RNGTT: variants seen among roughly 807,000 people sequenced by gnomAD.
RNGTT encodes mRNA-capping enzyme.
In RNGTT, 33 loss-of-function variants were observed where a neutral mutation model predicts 79.3. The observed-to-expected ratio is 0.42, with a 90% confidence interval of 0.32 to 0.56. The LOEUF is 0.56. Among genes scored for constraint, RNGTT ranks in the 20% least tolerant of loss-of-function variants. RNGTT has a pLI of 0.17. For missense variants in RNGTT, 497 were observed against 739.1 expected (o/e 0.67, Z 3.80); for synonymous variants, 222 against 235.9 (o/e 0.94, Z 0.54).
At chr6:88,830,230 A>C (rs1780809411) in intron 11 of RNGTT, among the ~76,000 whole-genome samples, 1 of 152,222 alleles carries the variant, frequency 6.6e-6, no homozygotes, top group African/African-American at 2.4e-5. Context: ...CAGGATTAAG[A>C]AACTCACTCA....
chr6:88,634,734 A>AT (rs1773034949), intron 14 of RNGTT, among the ~76,000 whole-genome samples: 1 of 152,128 alleles, frequency 6.6e-6, no homozygotes, highest in Non-Finnish European at 1.5e-5. Context: ...TAGAGGAGAT[A>AT]TTTTTGCAAA....
At chr6:88,721,097 T>C (rs1005255444) in intron 13 of RNGTT, among the ~76,000 whole-genome samples, 7 of 152,124 alleles carry the variant, frequency 4.6e-5, no homozygotes, top group Admixed American at 1.3e-4. Flanking sequence ...CCCTTAAATA[T>C]AGGTGTTACC....
At position 88,660,071 on chromosome 6, in the gene RNGTT, C is replaced by T. The variant is rs543442581; in HGVS notation, c.1506+18282G>A. ...CAAAATTAAGCTTCATAAATGAAGGCGAGATAGTCTGTTTTAGACAAACAA... is the reference window on the plus strand; with the variant it reads ...CAAAATTAAGCTTCATAAATGAAGGTGAGATAGTCTGTTTTAGACAAACAA... On this transcript the variant is annotated intron_variant, in intron 14 of 15. Transcript: ENST00000369485. Among the ~76,000 whole-genome samples, 21 of 152,146 alleles carry T rather than the reference C, an allele frequency of 1.4e-4. No individual in the cohort carries two copies. The East Asian group carries it at 2.1e-3, about 15-fold the overall frequency.
chr6:88,701,345 T>C (rs1040268321), intron 13 of RNGTT, among the ~76,000 whole-genome samples: 4 of 152,112 alleles, frequency 2.6e-5, no homozygotes, highest in Admixed American at 6.5e-5. Context: ...AGCCAACTTC[T>C]GATAACTAAT....
intron 13 of RNGTT, among the ~76,000 whole-genome samples, chr6:88,719,115 A>C (rs565649552): frequency 5.3e-5 from 8 of 152,324 alleles, no homozygotes; most frequent in African/African-American, 1.7e-4. Context: ...CACTTAGTGT[A>C]AGTGTATTAC....
At chr6:88,732,355 C>T (rs1459384206) in intron 13 of RNGTT, among the ~76,000 whole-genome samples, 3 of 152,114 alleles carry the variant, frequency 2.0e-5, no homozygotes, top group African/African-American at 7.2e-5. Context: ...ATTAGGATGG[C>T]TATTATCAAA....
intron 11 of RNGTT, among the ~76,000 whole-genome samples, chr6:88,825,415 G>A (rs1351953848): frequency 6.6e-6 from 1 of 152,118 alleles, no homozygotes; most frequent in Non-Finnish European, 1.5e-5. Flanking sequence ...TTTATCCTAA[G>A]GAAATAACTC....
intron 14 of RNGTT, among the ~76,000 whole-genome samples, chr6:88,655,988 C>G (rs1562174359): frequency 6.6e-6 from 1 of 152,004 alleles, no homozygotes; most frequent in Non-Finnish European, 1.5e-5. Flanking sequence ...GAAAACAACA[C>G]AGAGTAACTG....
intron 11 of RNGTT, among the ~76,000 whole-genome samples, chr6:88,825,729 T>G (rs969947209): frequency 3.9e-5 from 6 of 152,244 alleles, no homozygotes; most frequent in Non-Finnish European, 7.3e-5. Context: ...CTGAAATAGT[T>G]CACTATTAGA....
chr6:88,787,456 C>T (rs2127853058), intron 12 of RNGTT, among the ~76,000 whole-genome samples: 1 of 152,084 alleles, frequency 6.6e-6, no homozygotes. Context: ...GTCAAGAGAT[C>T]CAGACCATCC....
intron 9 of RNGTT, among the ~76,000 whole-genome samples, chr6:88,852,068 A>G (rs1467909977): frequency 6.6e-6 from 1 of 152,096 alleles, no homozygotes; most frequent in Non-Finnish European, 1.5e-5. Context: ...CACAAAACAT[A>G]TTTAGTTCCT....
chr6:88,760,873 A>ATTT (rs34821654), intron 13 of RNGTT, among the ~76,000 whole-genome samples: 41 of 143,242 alleles, frequency 2.9e-4, no homozygotes, highest in African/African-American at 9.7e-4. Context: ...TGAGAAAACG[A>ATTT]TTTTTTTTTT....
At chr6:88,719,037 A>G (rs980837451) in intron 13 of RNGTT, among the ~76,000 whole-genome samples, 1 of 152,228 alleles carries the variant, frequency 6.6e-6, no homozygotes, top group African/African-American at 2.4e-5. Flanking sequence ...AGCCTAATGT[A>G]CAAGTTATTT....
At chr6:88,652,883 A>G (rs1307539453) in intron 14 of RNGTT, among the ~76,000 whole-genome samples, 2 of 152,160 alleles carry the variant, frequency 1.3e-5, no homozygotes, top group Non-Finnish European at 2.9e-5. Context: ...AGACTTTATT[A>G]GGCAAGAGGA....
intron 2 of RNGTT, 48 bp downstream of exon 2, chr6:88,941,023 T>C (rs910553169): frequency 8.8e-7 from 1 of 1,137,678 alleles, no homozygotes; most frequent in Non-Finnish European, 1.3e-6. Flanking sequence ...AGAACAAGAC[T>C]GAACAAAGTA....
At chr6:88,613,747 T>C (rs1772119139) in intron 15 of RNGTT, among the ~76,000 whole-genome samples, 1 of 152,228 alleles carries the variant, frequency 6.6e-6, no homozygotes, top group Non-Finnish European at 1.5e-5. Flanking sequence ...TTGTTCCCCA[T>C]GAAAGAAACT....
intron 11 of RNGTT, among the ~76,000 whole-genome samples, chr6:88,815,222 G>A (rs1184993619): frequency 3.3e-5 from 5 of 152,186 alleles, no homozygotes; most frequent in Admixed American, 6.5e-5. Context: ...CCAAAAGCTT[G>A]CATTAACTTC....
intron 11 of RNGTT, among the ~76,000 whole-genome samples, chr6:88,810,365 C>G (rs1382778517): frequency 6.6e-6 from 1 of 152,134 alleles, no homozygotes; most frequent in Non-Finnish European, 1.5e-5. Flanking sequence ...ATTTAGCATA[C>G]TGAGTAATAG....
At chr6:88,675,378 T>C (rs775645747) in intron 14 of RNGTT, among the ~76,000 whole-genome samples, 9 of 152,104 alleles carry the variant, frequency 5.9e-5, no homozygotes, top group Non-Finnish European at 1.0e-4. Context: ...CTCTGTATTG[T>C]AGGATTTAGT....
Sources: gnomAD v4.1 joint callset for allele counts (sites outside exome capture counted in the v4.1 genomes callset) on GRCh38, gnomAD v4.1.1 for gene constraint, MANE v1.5 for transcripts, NCBI Gene and HGNC (gene_info 2026-07-23, HGNC 2026-07-21) for gene names.